Variants in MAGI3 observed in about 807,000 individuals in gnomAD.
MAGI3 encodes membrane-associated guanylate kinase, WW and PDZ domain-containing protein 3.
MAGI3 carries 43 observed loss-of-function variants against 121.8 expected under a neutral mutation model. That is an observed-to-expected ratio of 0.35 (90% CI 0.28 to 0.46). The LOEUF (loss-of-function observed/expected upper bound fraction) is 0.46. MAGI3 is among the 20% of genes least tolerant of loss of function. The pLI is 1.00. For missense variants in MAGI3, 1,547 were observed against 1,797.3 expected (o/e 0.86, Z 2.52); for synonymous variants, 553 against 639.3 (o/e 0.86, Z 2.04).
At position 113,646,570 on chromosome 1, in the gene MAGI3, A is replaced by G. The variant is rs775028391; in HGVS notation, c.2083A>G (p.Ile695Val). 4.8e-5 allele frequency: 78 copies of G among 1,613,704 alleles called. No individual in the cohort carries two copies. Among genetic ancestry groups the G allele is most frequent in the Non-Finnish European group, 6.4e-5 (75 of 1,179,818 alleles). ...GCCTATGCCTTTTCCACCGAGCATT[A>G]TCAGGTCAGGATCCCCAAAATTGGA... ...PQPMPFPPSI[I>V]RSGSPKLDPS... The change falls in exon 12 of 21, where the codon ATC (isoleucine) becomes GTC (valine). Residue 695 changes from isoleucine to valine, a missense_variant. By Grantham distance (29) the Ile-to-Val change is conservative (BLOSUM62 3). Transcript: ENST00000307546.
chr1:113,446,476 CA>C (rs1397825276), intron 1 of MAGI3, among the ~76,000 whole-genome samples: 1 of 152,038 alleles, frequency 6.6e-6, no homozygotes, highest in African/African-American at 2.4e-5. Context: ...AAATGATGGA[CA>C]AAAATGTATA....
chr1:113,636,121 CTTCT>C (rs1439895345), intron 9 of MAGI3, among the ~76,000 whole-genome samples: 4 of 151,820 alleles, frequency 2.6e-5, no homozygotes, highest in Non-Finnish European at 5.9e-5. Flanking sequence ...TCTCTCTTTT[CTTCT>C]TTATTAGTCT....
intron 8 of MAGI3, among the ~76,000 whole-genome samples, chr1:113,621,436 A>G (rs1204015449): frequency 6.6e-6 from 1 of 152,172 alleles, no homozygotes; most frequent in South Asian, 2.1e-4. Flanking sequence ...GTAAAATTGC[A>G]ATAGAATGAA....
intron 1 of MAGI3, among the ~76,000 whole-genome samples, chr1:113,460,995 G>T (rs1570708849): frequency 6.6e-6 from 1 of 152,146 alleles, no homozygotes; most frequent in East Asian, 1.9e-4. Context: ...GCCACAAAAA[G>T]AATAAAATAC....
At chr1:113,550,558 C>T (rs182144240) in intron 2 of MAGI3, among the ~76,000 whole-genome samples, 48 of 151,848 alleles carry the variant, frequency 3.2e-4, no homozygotes, top group African/African-American at 1.0e-3. Context: ...GAGTTTGAGA[C>T]TAGCCTGGCC....
chr1:113,636,372 T>C (rs1266168349), intron 9 of MAGI3, among the ~76,000 whole-genome samples: 11 of 152,232 alleles, frequency 7.2e-5, no homozygotes, highest in Non-Finnish European at 1.3e-4. Context: ...TTTCATGCTA[T>C]AAATTTCCCT....
Position 113,479,035 on chromosome 1 carries a change from T to TGGGCGTGGGAGCTGCCAAGCC in MAGI3, c.317-70479_317-70459dup, listed in dbSNP as rs760198949. 2.4e-3 allele frequency among the ~76,000 whole-genome samples: 358 copies of TGGGCGTGGGAGCTGCCAAGCC among 152,202 alleles called. 1 individual carries two copies. The highest frequency in any genetic ancestry group is 3.9e-3 in the Non-Finnish European group (265 of 68,028). ...TGTGCTAGCAGTGAGCAAGGCTCTG[T>TGGGCGTGGGAGCTGCCAAGCC]GGGCGTGGGAGCTGCCAAGCCAGGC... is the stretch of plus-strand genomic sequence containing the variant. On this transcript the variant is annotated intron_variant, in intron 1 of 20. Transcript: ENST00000307546.
rs557408678 is a variant in MAGI3 at position 113,656,460 on chromosome 1, C to CTGGAG, written c.2629+2451_2629+2455dup. 1.1e-3 allele frequency among the ~76,000 whole-genome samples: 166 copies of CTGGAG among 151,354 alleles called. 1 individual carries two copies. The highest frequency in any genetic ancestry group is 3.9e-3 in the African/African-American group (160 of 41,162). ...AGACAGTCTTACTCTGTTGCCCAGGCTGGAGTGGAGTGGTGTGATCTCGGT... is the reference window on the plus strand; with the variant it reads ...AGACAGTCTTACTCTGTTGCCCAGGCTGGAGTGGAGTGGAGTGGTGTGATCTCGGT... On this transcript the variant is annotated intron_variant, in intron 15 of 20. Coordinates refer to ENST00000307546, the MANE Select transcript of MAGI3 (RefSeq NM_001142782.2).
At chr1:113,539,977 A>C (rs1220533048) in intron 1 of MAGI3, among the ~76,000 whole-genome samples, 1 of 152,054 alleles carries the variant, frequency 6.6e-6, no homozygotes, top group East Asian at 1.9e-4. Context: ...TTTAAAATAC[A>C]GACAGCATTT....
chr1:113,494,916 G>A (rs140588988), intron 1 of MAGI3, among the ~76,000 whole-genome samples: 2 of 152,016 alleles, frequency 1.3e-5, no homozygotes, highest in East Asian at 3.9e-4. Context: ...TTTTAAGAAC[G>A]ACCAATTCCA....
intron 1 of MAGI3, among the ~76,000 whole-genome samples, chr1:113,496,669 C>A (rs986443256): frequency 1.7e-4 from 26 of 152,050 alleles, no homozygotes; most frequent in Admixed American, 1.4e-3. Flanking sequence ...TTTAAAAAAA[C>A]CACATTGAGC....
rs1411567364 is a variant in MAGI3 at position 113,649,291 on chromosome 1, G to A, written c.2210G>A (p.Gly737Asp). The part of the protein sequence containing the change: ...VFLRKQESGF[G>D]FRVLGGDGPD... ...CTTCGAAAACAAGAGTCAGGGTTTG[G>A]CTTCAGGGTGCTAGGAGGAGATGGA... Residue 737 changes from glycine to aspartate, a missense_variant, in exon 13 of 21, where the codon GGC becomes GAC. Gly to Asp is a moderately conservative substitution (Grantham distance 94). Coordinates refer to ENST00000307546, the MANE Select transcript of MAGI3 (RefSeq NM_001142782.2). 2 of 1,613,346 alleles carry A rather than the reference G, an allele frequency of 1.2e-6. No individual in the cohort carries two copies. The highest frequency in any genetic ancestry group is 1.7e-6 in the Non-Finnish European group (2 of 1,179,744).
At chr1:113,614,460 A>G (rs1650337691) in intron 6 of MAGI3, 141 bp from the exon 7 acceptor site, 1 of 680,010 alleles carries the variant, frequency 1.5e-6, no homozygotes, top group South Asian at 1.7e-5. Context: ...TCAGACTTAA[A>G]TTGTGTTTGT....
At chr1:113,446,990 G>C (rs1267942754) in intron 1 of MAGI3, among the ~76,000 whole-genome samples, 1 of 152,150 alleles carries the variant, frequency 6.6e-6, no homozygotes, top group Non-Finnish European at 1.5e-5. Context: ...GGTTGCCAGG[G>C]GTGCAGTGGA....
intron 1 of MAGI3, among the ~76,000 whole-genome samples, chr1:113,465,489 C>A (rs2101527380): frequency 6.6e-6 from 1 of 151,634 alleles, no homozygotes; most frequent in East Asian, 1.9e-4. Context: ...TATTTGGGGT[C>A]TTTTGTGATT....
intron 2 of MAGI3, among the ~76,000 whole-genome samples, chr1:113,569,625 A>T (rs991978187): frequency 1.8e-4 from 27 of 152,162 alleles, no homozygotes; most frequent in Admixed American, 1.6e-3. Context: ...ATTTCACAGA[A>T]ATCCCCCATT....
chr1:113,593,420 G>A (rs1336175486), intron 5 of MAGI3, among the ~76,000 whole-genome samples: 4 of 152,102 alleles, frequency 2.6e-5, no homozygotes, highest in Non-Finnish European at 5.9e-5. Context: ...GCACACGCCT[G>A]TAGTCACAGC....
chr1:113,423,265 G>A (rs562364226), intron 1 of MAGI3, among the ~76,000 whole-genome samples: 1 of 149,044 alleles, frequency 6.7e-6, no homozygotes, highest in Admixed American at 6.7e-5. Context: ...TTTTTGGGGG[G>A]GGGGTTGTTT....
At chr1:113,430,857 T>C (rs921326609) in intron 1 of MAGI3, among the ~76,000 whole-genome samples, 1 of 152,266 alleles carries the variant, frequency 6.6e-6, no homozygotes, top group African/African-American at 2.4e-5. Flanking sequence ...ATATGACTTA[T>C]GGCATTAGGT....
Sources: allele counts gnomAD v4.1 joint callset (sites outside exome capture counted in the v4.1 genomes callset), GRCh38; gene constraint gnomAD v4.1.1; transcripts MANE v1.5; gene names NCBI Gene and HGNC (gene_info 2026-07-23, HGNC 2026-07-21).